OSBPL10: variants seen among roughly 807,000 people sequenced by gnomAD.
OSBPL10 encodes oxysterol-binding protein-related protein 10.
Under a neutral mutation model 81.7 loss-of-function variants are expected in OSBPL10, and 49 were observed. The observed-to-expected ratio is 0.60, with a 90% CI of 0.48 to 0.76. The LOEUF is 0.76. Among genes scored for constraint, OSBPL10 ranks in the 30% least tolerant of loss-of-function variants. The probability of loss-of-function intolerance (pLI) is 0.00; values close to 1 mark genes in which losing one functional copy is unlikely to be tolerated. For synonymous variants in OSBPL10, 419 were observed against 383.6 expected, an observed-to-expected ratio of 1.09 and a Z score of -1.08; for missense variants, 923 against 987.8, an observed-to-expected ratio of 0.93 and a Z score of 0.88.
chr3:31,927,102 C>T (rs2125714080), intron 1 of OSBPL10, among the ~76,000 whole-genome samples: 1 of 152,246 alleles, frequency 6.6e-6, no homozygotes, highest in Admixed American at 6.5e-5. Flanking sequence ...CAGAGTGAGA[C>T]TCCATCTCAA....
chr3:32,039,616 G>A (rs753966550), intron 2 of OSBPL10, among the ~76,000 whole-genome samples: 5 of 151,754 alleles, frequency 3.3e-5, no homozygotes, highest in Non-Finnish European at 7.4e-5. Context: ...CTGAGATCAC[G>A]TCATTGCACT....
chr3:31,876,374 T>C (rs1575594993), intron 3 of OSBPL10, 59 bp downstream of exon 3: 1 of 1,417,510 alleles, frequency 7.1e-7, no homozygotes, highest in East Asian at 2.3e-5. Flanking sequence ...AAACAAATAA[T>C]GGGGCTGAAA....
At chr3:31,943,839 G>A (rs1286728239) in intron 1 of OSBPL10, among the ~76,000 whole-genome samples, 1 of 151,626 alleles carries the variant, frequency 6.6e-6, no homozygotes, top group Non-Finnish European at 1.5e-5. Flanking sequence ...ATGGTGGCAC[G>A]CACCTGTAGT....
intron 4 of OSBPL10, among the ~76,000 whole-genome samples, chr3:31,816,902 A>G (rs1699849035): frequency 6.6e-6 from 1 of 152,046 alleles, no homozygotes; most frequent in South Asian, 2.1e-4. Flanking sequence ...CAGAGAGAAT[A>G]GCTCCTCTCT....
chr3:31,930,815 C>T (rs1042298273), intron 1 of OSBPL10, among the ~76,000 whole-genome samples: 1 of 151,430 alleles, frequency 6.6e-6, no homozygotes, highest in Non-Finnish European at 1.5e-5. Context: ...GAGATCGAGA[C>T]CATCCTGGCT....
Position 31,664,247 on chromosome 3 carries a change from A to G in OSBPL10, c.2097-15T>C, listed in dbSNP as rs767873978. On this transcript the variant is annotated splice_polypyrimidine_tract_variant and intron_variant, in intron 10 of 11. Transcript: ENST00000396556. ...GCCAGAGGTTCCTGGGGATGCGTGGAGGAGAGGAAACAATCAGCCAGGCCA... is the reference window on the plus strand; with the variant it reads ...GCCAGAGGTTCCTGGGGATGCGTGGGGGAGAGGAAACAATCAGCCAGGCCA... 7 of 1,611,002 alleles carry G rather than the reference A, an allele frequency of 4.3e-6. No individual in the cohort carries two copies. The highest frequency in any genetic ancestry group is 3.3e-5 in the South Asian group (3 of 90,952).
chr3:31,772,807 G>A (rs1698420539), intron 4 of OSBPL10, among the ~76,000 whole-genome samples: 2 of 152,148 alleles, frequency 1.3e-5, no homozygotes, highest in African/African-American at 4.8e-5. Context: ...TAGGAAGTAG[G>A]AGAATTTGCA....
chr3:32,042,789 C>T lies in OSBPL10; in HGVS notation n.298+3702G>A, dbSNP rs546549583. On this transcript the variant is annotated intron_variant and non_coding_transcript_variant, in intron 2 of 3. Coordinates refer to the OSBPL10 transcript ENST00000479173. ...AGGGAGTAGGTCACAAGATCACATG[C>T]TTCAAAGGGCAAAAAGGAGAACAAA... 1.8e-4 allele frequency among the ~76,000 whole-genome samples: 28 copies of T among 152,124 alleles called. 1 individual carries two copies. In the South Asian group the frequency reaches 5.6e-3, roughly 30 times the overall value.
intron 6 of OSBPL10, chr3:31,718,689 C>T (rs935123846): frequency 3.9e-5 from 6 of 152,086 alleles, no homozygotes; most frequent in Admixed American, 2.0e-4. Flanking sequence ...ACACTTAATC[C>T]AATGTCTTTG....
chr3:31,852,211 T>C (rs1700785446), intron 3 of OSBPL10, among the ~76,000 whole-genome samples: 1 of 152,148 alleles, frequency 6.6e-6, no homozygotes, highest in African/African-American at 2.4e-5. Flanking sequence ...GTGAGCATTA[T>C]CTGAGGCAGG....
chr3:31,892,022 A>G (rs956663276), intron 1 of OSBPL10, among the ~76,000 whole-genome samples: 1 of 152,152 alleles, frequency 6.6e-6, no homozygotes, highest in African/African-American at 2.4e-5. Context: ...TAAAATATTC[A>G]CTAAAATGAG....
At chr3:31,662,308 C>G (rs931048713) in intron 11 of OSBPL10, 192 bp from the exon 12 acceptor site, 27 of 1,319,970 alleles carry the variant, frequency 2.0e-5, no homozygotes, top group Non-Finnish European at 2.3e-5. Context: ...ACCTTCCTAC[C>G]CTGGCATGGC....
At chr3:31,920,719 G>A (rs970421013) in intron 1 of OSBPL10, among the ~76,000 whole-genome samples, 9 of 152,168 alleles carry the variant, frequency 5.9e-5, no homozygotes, top group Admixed American at 3.3e-4. Context: ...TGGGAGGGAG[G>A]CAGATCCCTC....
At position 31,945,633 on chromosome 3, in the gene OSBPL10, A is replaced by T. The variant is rs115684257; in HGVS notation, c.281+35266T>A. 7.1e-3 allele frequency among the ~76,000 whole-genome samples: 1,084 copies of T among 152,324 alleles called. 9 individuals are homozygous for T. The highest frequency in any genetic ancestry group is 0.025 in the African/African-American group (1,045 of 41,576). ...CGGCAACCATAGGCCATAGCTGAGA[A>T]GCAGCTGCCCTGTCAGATGTGATGC... On this transcript the variant is annotated intron_variant, in intron 1 of 11. Coordinates refer to ENST00000396556, the MANE Select transcript of OSBPL10 (RefSeq NM_017784.5).
At chr3:31,963,101 A>G (rs1316910522) in intron 1 of OSBPL10, among the ~76,000 whole-genome samples, 2 of 152,160 alleles carry the variant, frequency 1.3e-5, no homozygotes, top group Non-Finnish European at 2.9e-5. Context: ...AATATGACAA[A>G]GAACTCCTCT....
intron 4 of OSBPL10, among the ~76,000 whole-genome samples, chr3:31,769,705 A>T (rs1363513895): frequency 1.3e-5 from 2 of 152,010 alleles, no homozygotes; most frequent in Non-Finnish European, 2.9e-5. Context: ...TGGAGACGCC[A>T]TATAGGCTGT....
At chr3:31,904,326 C>T (rs1696341561) in intron 1 of OSBPL10, among the ~76,000 whole-genome samples, 1 of 152,156 alleles carries the variant, frequency 6.6e-6, no homozygotes, top group Non-Finnish European at 1.5e-5. Flanking sequence ...GGAGAAGAGA[C>T]TGCAGCAGGC....
At chr3:32,006,275 T>G (rs1294890623) in intron 2 of OSBPL10, among the ~76,000 whole-genome samples, 1 of 152,218 alleles carries the variant, frequency 6.6e-6, no homozygotes, top group Admixed American at 6.5e-5. Context: ...TCCAATGAAG[T>G]TGAGCAATCT....
In OSBPL10 at chr3:31,795,289, C is replaced by T. The variant is rs563525957; in HGVS notation, c.729+34751G>A. On this transcript the variant is annotated intron_variant, in intron 4 of 11. Transcript: ENST00000396556. ...CCTCCTGAGTGGCTGGGATCACAGG[C>T]GCCTGCCACCAGGCCTGGCTAATTT... Among the ~76,000 whole-genome samples, 12 of 151,976 alleles carry T rather than the reference C, an allele frequency of 7.9e-5. No individual in the cohort carries two copies. The South Asian group carries it at 2.3e-3, about 29-fold the overall frequency.
Sources: allele counts gnomAD v4.1 joint callset (sites outside exome capture counted in the v4.1 genomes callset), GRCh38; gene constraint gnomAD v4.1.1; transcripts MANE v1.5; gene names NCBI Gene and HGNC (gene_info 2026-07-23, HGNC 2026-07-21).